ZNF407: variants seen among roughly 807,000 people sequenced by gnomAD.
ZNF407 encodes the protein zinc finger protein 407.
ZNF407 carries 17 observed loss-of-function variants against 131.2 expected under a neutral mutation model. The ratio of observed to expected loss-of-function variants is 0.13; its 90% CI spans 0.09 to 0.19. The LOEUF is 0.19. Ranked by LOEUF, ZNF407 falls within the 10% of genes least tolerant of loss-of-function variation. The pLI is 1.00. For missense variants in ZNF407, 2,681 were observed against 2,830.6 expected, an observed-to-expected ratio of 0.95 and a Z score of 1.20; for synonymous variants, 1,156 against 1,062.0, an observed-to-expected ratio of 1.09 and a Z score of -1.72.
intron 1 of ZNF407, among the ~76,000 whole-genome samples, chr18:74,608,495 C>A (rs1315419704): frequency 6.6e-6 from 1 of 152,016 alleles, no homozygotes; most frequent in African/African-American, 2.4e-5. Context: ...TACAGGAGTG[C>A]ACCACCACAT....
intron 4 of ZNF407, among the ~76,000 whole-genome samples, chr18:74,839,473 G>A (rs1320113206): frequency 2.0e-5 from 3 of 152,174 alleles, no homozygotes; most frequent in South Asian, 2.1e-4. Context: ...AACCTTAGCT[G>A]TGCTCTTAGG....
intron 8 of ZNF407, among the ~76,000 whole-genome samples, chr18:74,958,433 A>G (rs958468794): frequency 1.3e-5 from 2 of 152,138 alleles, no homozygotes; most frequent in Non-Finnish European, 2.9e-5. Flanking sequence ...AGGAGGGAGC[A>G]CCTGAGCTGC....
At chr18:74,669,218 T>G (rs1449205723) in intron 3 of ZNF407, among the ~76,000 whole-genome samples, 1 of 152,226 alleles carries the variant, frequency 6.6e-6, no homozygotes, top group Non-Finnish European at 1.5e-5. Context: ...AGGTTTCTCA[T>G]TGGCTTTGGT....
intron 8 of ZNF407, among the ~76,000 whole-genome samples, chr18:75,007,687 A>C (rs1458554381): frequency 2.0e-5 from 3 of 152,192 alleles, no homozygotes; most frequent in Non-Finnish European, 4.4e-5. Flanking sequence ...TTTCTGATCA[A>C]CTTTGTGTGT....
At chr18:74,676,652 T>G (rs560976741) in intron 3 of ZNF407, among the ~76,000 whole-genome samples, 2 of 151,926 alleles carry the variant, frequency 1.3e-5, no homozygotes, top group Admixed American at 6.6e-5. Flanking sequence ...GCCAGGATGG[T>G]CTCGATCTCC....
chr18:74,669,738 G>A (rs150281770), intron 3 of ZNF407, among the ~76,000 whole-genome samples: 1 of 152,256 alleles, frequency 6.6e-6, no homozygotes, highest in East Asian at 1.9e-4. Context: ...TGGACGAACT[G>A]CATCTCTGTT....
intron 8 of ZNF407, among the ~76,000 whole-genome samples, chr18:75,020,714 T>C (rs1973099912): frequency 1.3e-5 from 2 of 152,152 alleles, no homozygotes; most frequent in South Asian, 4.1e-4. Context: ...AATAACTTTG[T>C]CCATACCCAT....
chr18:75,015,769 A>G (rs755063129), intron 8 of ZNF407, among the ~76,000 whole-genome samples: 1 of 151,798 alleles, frequency 6.6e-6, no homozygotes, highest in African/African-American at 2.4e-5. Flanking sequence ...AAATAACACT[A>G]GATTTATCAC....
intron 8 of ZNF407, among the ~76,000 whole-genome samples, chr18:75,023,450 A>C (rs971416298): frequency 2.6e-5 from 4 of 152,164 alleles, no homozygotes; most frequent in Non-Finnish European, 5.9e-5. Context: ...ATTACATGTA[A>C]TATAACTAAT....
Position 75,064,474 on chromosome 18 carries a change from G to A in ZNF407, c.*6G>A, listed in dbSNP as rs761940201. ...GCGAACTCCAGGAAGCATGAGACGC[G>A]CGGCACCTTTACTCAGCACAGGGCA... On this transcript the variant is annotated 3_prime_UTR_variant, in exon 9 of 9. Transcript: ENST00000299687. 76 of 1,473,914 alleles carry A rather than the reference G, an allele frequency of 5.2e-5. 1 individual carries two copies. The highest frequency in any genetic ancestry group is 4.2e-4 in the Admixed American group (17 of 40,494). 91.3% of individuals were successfully genotyped at this position (1,473,914 alleles called of 1,614,324 possible). A position where few individuals can be genotyped will look rare whatever the true frequency, so the allele number is the denominator to read the frequency against.
chr18:75,013,926 G>A (rs566787711), intron 8 of ZNF407, among the ~76,000 whole-genome samples: 4 of 152,052 alleles, frequency 2.6e-5, no homozygotes, highest in South Asian at 4.2e-4. Flanking sequence ...TTTCTGTTTC[G>A]CTTGAGTTGT....
chr18:74,906,158 G>A (rs918964321), intron 7 of ZNF407, among the ~76,000 whole-genome samples: 3 of 152,054 alleles, frequency 2.0e-5, no homozygotes, highest in African/African-American at 7.3e-5. Flanking sequence ...TTTTGTCCTG[G>A]AGGTGTCCTG....
At chr18:74,865,732 C>A (rs561564045) in intron 4 of ZNF407, among the ~76,000 whole-genome samples, 13 of 152,220 alleles carry the variant, frequency 8.5e-5, no homozygotes, top group Admixed American at 6.5e-4. Context: ...ATTAAATCTG[C>A]AAATCTGTTT....
chr18:75,042,422 A>G (rs192973976), intron 8 of ZNF407, among the ~76,000 whole-genome samples: 138 of 152,322 alleles, frequency 9.1e-4, no homozygotes, highest in African/African-American at 3.1e-3. Context: ...TGAATACCTA[A>G]AGATGAAGAA....
chr18:74,798,623 A>T (rs948014253), intron 4 of ZNF407, among the ~76,000 whole-genome samples: 1 of 152,110 alleles, frequency 6.6e-6, no homozygotes, highest in Admixed American at 6.5e-5. Flanking sequence ...TCTTTTACTG[A>T]TGCAGAACTC....
Position 74,635,162 on chromosome 18 carries a change from A to G in ZNF407, c.4143A>G (p.Ala1381=). 7 of 1,614,016 alleles carry G rather than the reference A, an allele frequency of 4.3e-6. No homozygotes were observed. Among genetic ancestry groups the G allele is most frequent in the Non-Finnish European group, 5.9e-6 (7 of 1,179,880 alleles). ...LIDQSEEGLI[A]TGVRISELPL... is the part of the protein sequence containing the mutation. ...ACCAGTCTGAAGAGGGCTTGATAGCAACGGGAGTGAGAATTAGTGAGCTGC... is the reference window on the plus strand; with the variant it reads ...ACCAGTCTGAAGAGGGCTTGATAGCGACGGGAGTGAGAATTAGTGAGCTGC... The change falls in exon 2 of 9, where the codon GCA becomes GCG. Residue 1381 remains alanine (A), a synonymous_variant. Transcript: ENST00000299687. This position sits in a 1 kb window ranked among gnomAD's most constrained non-coding sequence, Gnocchi z 4.7.
At chr18:74,785,949 A>G (rs1599152230) in intron 4 of ZNF407, among the ~76,000 whole-genome samples, 1 of 152,164 alleles carries the variant, frequency 6.6e-6, no homozygotes, top group East Asian at 1.9e-4. Flanking sequence ...CATGGCACAC[A>G]TGATGTGTGC....
chr18:74,600,471 T>A (rs1982530703), intron 1 of ZNF407, among the ~76,000 whole-genome samples: 1 of 152,202 alleles, frequency 6.6e-6, no homozygotes, highest in South Asian at 2.1e-4. Context: ...CCACTGTAGT[T>A]GTCAGGGAGC....
intron 1 of ZNF407, among the ~76,000 whole-genome samples, chr18:74,614,826 A>C (rs544710805): frequency 2.6e-5 from 4 of 152,344 alleles, no homozygotes; most frequent in African/African-American, 9.6e-5. Context: ...AAAGGTTTTC[A>C]TAAGTCTTGT....
Sources: allele counts gnomAD v4.1 joint callset (sites outside exome capture counted in the v4.1 genomes callset), GRCh38; gene constraint gnomAD v4.1.1; non-coding constraint Gnocchi (gnomAD v3.1); transcripts MANE v1.5; gene names NCBI Gene and HGNC (gene_info 2026-07-23, HGNC 2026-07-21).